The following SLC14A2 variants were observed in gnomAD, a reference collection of about 807,000 sequenced individuals.
The protein encoded by SLC14A2 is solute carrier family 14 member 2.
SLC14A2 carries 91 observed loss-of-function variants against 104.6 expected under a neutral mutation model. That is an observed-to-expected ratio of 0.87 (90% CI 0.73 to 1.04). The LOEUF (loss-of-function observed/expected upper bound fraction) is 1.04. Among genes scored for constraint, SLC14A2 ranks in the 50% least tolerant of loss-of-function variants. The pLI is 0.00. For missense variants in SLC14A2, 1,189 were observed against 1,156.0 expected (o/e 1.03, Z -0.41); for synonymous variants, 476 against 466.4 (o/e 1.02, Z -0.27).
chr18:45,410,526 T>C (rs2086203842), intron 1 of SLC14A2, among the ~76,000 whole-genome samples: 1 of 152,192 alleles, frequency 6.6e-6, no homozygotes, highest in African/African-American at 2.4e-5. Context: ...GAATAACAAA[T>C]CTTATTTATG....
chr18:45,633,315 C>T lies in SLC14A2; in HGVS notation c.650+837C>T, dbSNP rs188234031. ...GTAACCAAGACCTAAAAGCTGAAAA[C>T]CTGCTTGTGATAGAAGCAGAGAGCT... On this transcript the variant is annotated intron_variant, in intron 5 of 19. Coordinates refer to ENST00000255226, the MANE Select transcript of SLC14A2 (RefSeq NM_007163.4). Among the ~76,000 whole-genome samples the T allele has an allele frequency of 2.0e-5, 3 of 152,290 alleles. 1 individual carries two copies. The highest frequency in any genetic ancestry group is 1.3e-4 in the Admixed American group (2 of 15,302).
At chr18:45,600,548 G>C (rs1239743552) in intron 2 of SLC14A2, among the ~76,000 whole-genome samples, 1 of 152,134 alleles carries the variant, frequency 6.6e-6, no homozygotes, top group Non-Finnish European at 1.5e-5. Context: ...ACCAGGATTG[G>C]GCTAAGATGC....
intron 1 of SLC14A2, among the ~76,000 whole-genome samples, chr18:45,464,827 C>T (rs1404641297): frequency 2.6e-5 from 4 of 152,134 alleles, no homozygotes; most frequent in Admixed American, 2.0e-4. Context: ...GTGGTACAAG[C>T]GGCAGTTTCT....
intron 2 of SLC14A2, among the ~76,000 whole-genome samples, chr18:45,575,476 C>G (rs1185729646): frequency 6.6e-6 from 1 of 152,186 alleles, no homozygotes; most frequent in Non-Finnish European, 1.5e-5. Flanking sequence ...GTTCATCCTT[C>G]ACAGTCTCTC....
At chr18:45,666,304 A>T in intron 12 of SLC14A2, 85 bp downstream of exon 12, 1 of 886,192 alleles carries the variant, frequency 1.1e-6, no homozygotes, top group Non-Finnish European at 1.8e-6. Context: ...GCTGTAAACA[A>T]GGTTCTCCGA....
intron 1 of SLC14A2, among the ~76,000 whole-genome samples, chr18:45,457,455 C>T (rs559273010): frequency 8.5e-5 from 13 of 152,290 alleles, no homozygotes; most frequent in African/African-American, 2.9e-4. Context: ...TCCATTTCCC[C>T]ATGGAGCCTC....
At chr18:45,170,680 T>C in the SLC14A2 span, among the ~76,000 whole-genome samples, 4 of 152,188 alleles carry the variant, frequency 2.6e-5, no homozygotes, top group African/African-American at 7.2e-5. Flanking sequence ...CTATTTTTCA[T>C]TGTTGCTGGT....
At chr18:45,513,805 C>A (rs184781970) in intron 2 of SLC14A2, among the ~76,000 whole-genome samples, 2 of 152,060 alleles carry the variant, frequency 1.3e-5, no homozygotes, top group Non-Finnish European at 2.9e-5. Context: ...CTTACTGTAC[C>A]GACTCAGACC....
At position 45,683,053 on chromosome 18, in the gene SLC14A2, CA is replaced by C. The variant is rs2046336221; in HGVS notation, c.*535del. 1 of 155,748 alleles carries C rather than the reference CA, an allele frequency of 6.4e-6. No homozygotes were observed. The highest frequency in any genetic ancestry group is 1.4e-5 in the Non-Finnish European group (1 of 70,574). 9.6% of individuals were successfully genotyped at this position (155,748 alleles called of 1,614,324 possible). ...AGCTTGCAGTGAGCCAAGATCACGC[CA>C]CTGCACTCCAGCCTGGGCAACGGAG... On this transcript the variant is annotated 3_prime_UTR_variant, in exon 20 of 20. Transcript: ENST00000255226.
chr18:45,188,207 A>G, the SLC14A2 span, among the ~76,000 whole-genome samples: 3 of 152,306 alleles, frequency 2.0e-5, no homozygotes, highest in East Asian at 3.9e-4. Flanking sequence ...TATAGTTTGA[A>G]GGAAGTATAA....
At chr18:45,205,179 A>C in the SLC14A2 span, among the ~76,000 whole-genome samples, 1 of 152,166 alleles carries the variant, frequency 6.6e-6, no homozygotes, top group Non-Finnish European at 1.5e-5. Context: ...ACCTTCCCCT[A>C]GCAGCACCAG....
At chr18:45,609,518 C>A (rs1043413087) in intron 2 of SLC14A2, among the ~76,000 whole-genome samples, 1 of 152,164 alleles carries the variant, frequency 6.6e-6, no homozygotes, top group Non-Finnish European at 1.5e-5. Flanking sequence ...CCACCCACTG[C>A]CAGCATTCCT....
intron 4 of SLC14A2, 98 bp downstream of exon 4, chr18:45,627,245 C>A: frequency 9.3e-7 from 1 of 1,073,154 alleles, no homozygotes; most frequent in South Asian, 1.5e-5. Flanking sequence ...TCCCAGCCAG[C>A]CAAAGTCTCC....
chr18:45,500,798 G>A (rs553446097), intron 2 of SLC14A2, among the ~76,000 whole-genome samples: 1 of 152,278 alleles, frequency 6.6e-6, no homozygotes, highest in East Asian at 1.9e-4. Flanking sequence ...AAGTGGATCC[G>A]TCTCTACCTT....
chr18:45,450,944 C>G (rs571743310), intron 1 of SLC14A2, among the ~76,000 whole-genome samples: 103 of 152,286 alleles, frequency 6.8e-4, no homozygotes, highest in Middle Eastern at 6.8e-3. Flanking sequence ...TGGGGAAGCT[C>G]TGGGAAATGG....
At chr18:45,218,221 T>C (rs1044426613) in intron 1 of SLC14A2, among the ~76,000 whole-genome samples, 7 of 152,216 alleles carry the variant, frequency 4.6e-5, no homozygotes, top group Non-Finnish European at 8.8e-5. Flanking sequence ...TATGTCTCTA[T>C]AAATTTGATT....
intron 2 of SLC14A2, among the ~76,000 whole-genome samples, chr18:45,533,495 TA>T (rs1455373037): frequency 1.3e-5 from 2 of 152,358 alleles, no homozygotes; most frequent in African/African-American, 4.8e-5. Flanking sequence ...TAGAGGTGTT[TA>T]TAGTATTCTC....
intron 1 of SLC14A2, among the ~76,000 whole-genome samples, chr18:45,298,854 T>A (rs1326090976): frequency 2.0e-5 from 3 of 152,162 alleles, no homozygotes; most frequent in Admixed American, 1.3e-4. Flanking sequence ...CCTTTTTGAA[T>A]ATGACAATGA....
chr18:45,338,682 C>CAAAAAAAAAAAAA (rs59474827), intron 1 of SLC14A2, among the ~76,000 whole-genome samples: 2 of 51,854 alleles, frequency 3.9e-5, no homozygotes, highest in Non-Finnish European at 7.4e-5. Flanking sequence ...CACTGGCTCA[C>CAAAAAAAAAAAAA]AAAAAAAAAA....
Sources: gnomAD v4.1 joint callset for allele counts (sites outside exome capture counted in the v4.1 genomes callset) on GRCh38, gnomAD v4.1.1 for gene constraint, MANE v1.5 for transcripts, NCBI Gene and HGNC (gene_info 2026-07-23, HGNC 2026-07-21) for gene names.